The following PTPN11 variants were observed in gnomAD, a reference collection of about 807,000 sequenced individuals.
The protein encoded by PTPN11 is protein tyrosine phosphatase non-receptor type 11, also known as tyrosine-protein phosphatase non-receptor type 11.
PTPN11 carries 6 observed loss-of-function variants against 78.8 expected under a neutral mutation model. The ratio of observed to expected loss-of-function variants is 0.08; its 90% CI spans 0.04 to 0.15. The LOEUF is 0.15. PTPN11 is among the 10% of genes least tolerant of loss of function. PTPN11 has a pLI of 1.00. For synonymous variants in PTPN11, 221 were observed against 263.5 expected, an observed-to-expected ratio of 0.84 and a Z score of 1.56; for missense variants, 386 against 744.8, an observed-to-expected ratio of 0.52 and a Z score of 5.61.
At chr12:112,423,726 C>T (rs570777327) in intron 1 of PTPN11, among the ~76,000 whole-genome samples, 1 of 149,962 alleles carries the variant, frequency 6.7e-6, no homozygotes, top group South Asian at 2.1e-4. Flanking sequence ...CATGTATATA[C>T]ACACATACAA....
At chr12:112,443,088 A>G (rs2037934252) in intron 1 of PTPN11, among the ~76,000 whole-genome samples, 1 of 151,196 alleles carries the variant, frequency 6.6e-6, no homozygotes, top group African/African-American at 2.4e-5. Context: ...AAATACAAGG[A>G]CACTTGGTTA....
At chr12:112,429,813 A>C (rs2037683098) in intron 1 of PTPN11, among the ~76,000 whole-genome samples, 1 of 151,036 alleles carries the variant, frequency 6.6e-6, no homozygotes, top group African/African-American at 2.4e-5. Flanking sequence ...AAAAAAAAAA[A>C]CAACAACAAA....
intron 1 of PTPN11, among the ~76,000 whole-genome samples, chr12:112,424,154 GAT>G (rs1344065055): frequency 1.3e-5 from 2 of 152,170 alleles, no homozygotes; most frequent in Non-Finnish European, 2.9e-5. Flanking sequence ...TTTATGGTGG[GAT>G]AACTCTGTGC....
intron 7 of PTPN11, among the ~76,000 whole-genome samples, 174 bp from the exon 8 acceptor site, chr12:112,477,477 A>T (rs887677202): frequency 6.6e-6 from 1 of 152,176 alleles, no homozygotes; most frequent in Admixed American, 6.5e-5. Flanking sequence ...GCATTTTGAG[A>T]CATCAGGCAG....
intron 1 of PTPN11, among the ~76,000 whole-genome samples, chr12:112,423,540 C>G (rs1430043545): frequency 6.6e-6 from 1 of 152,048 alleles, no homozygotes; most frequent in Non-Finnish European, 1.5e-5. Context: ...CCCACCTTGG[C>G]CTTCCAAAGT....
At chr12:112,427,610 G>A (rs1172066639) in intron 1 of PTPN11, among the ~76,000 whole-genome samples, 5 of 151,898 alleles carry the variant, frequency 3.3e-5, no homozygotes, top group African/African-American at 9.7e-5. Context: ...GATAATGCCA[G>A]ATGATGGCTG....
intron 1 of PTPN11, among the ~76,000 whole-genome samples, chr12:112,430,340 A>C (rs1020657181): frequency 3.9e-5 from 6 of 152,286 alleles, no homozygotes; most frequent in East Asian, 1.9e-4. Flanking sequence ...CCAGTTCATA[A>C]TTGTGGAAAA....
At chr12:112,483,134 G>C (rs1025783648) in intron 10 of PTPN11, among the ~76,000 whole-genome samples, 1 of 151,640 alleles carries the variant, frequency 6.6e-6, no homozygotes, top group Non-Finnish European at 1.5e-5. Flanking sequence ...ACTGTAATCA[G>C]GGCTAGAAAG....
intron 1 of PTPN11, among the ~76,000 whole-genome samples, chr12:112,426,547 G>A (rs1389075705): frequency 5.9e-5 from 9 of 152,046 alleles, no homozygotes; most frequent in Admixed American, 3.3e-4. Flanking sequence ...GTGAGCCACC[G>A]CAGCCGGCCA....
chr12:112,483,909 T>C (rs1254116641), intron 10 of PTPN11, among the ~76,000 whole-genome samples: 1 of 152,098 alleles, frequency 6.6e-6, no homozygotes, highest in Non-Finnish European at 1.5e-5. Flanking sequence ...AGGACCTTTT[T>C]GTGAACACAC....
chr12:112,420,530 G>A (rs576806633), intron 1 of PTPN11, among the ~76,000 whole-genome samples: 1 of 152,154 alleles, frequency 6.6e-6, no homozygotes, highest in South Asian at 2.1e-4. Context: ...TTTTAGTAGA[G>A]ACAGGGTTTC....
At position 112,453,175 on chromosome 12, in the gene PTPN11, T is replaced by C; in HGVS notation, c.333-20T>C. ...ACCCATAGTAGAGCTAAATTCTTTT[T>C]TATTTTTTAAAAACTTTAGGTGGTT... On this transcript the variant is annotated intron_variant, in intron 3 of 15. Transcript: ENST00000351677. The C allele has an allele frequency of 6.2e-7, 1 of 1,604,336 alleles. No individual in the cohort carries two copies. The highest frequency in any genetic ancestry group is 1.1e-5 in the South Asian group (1 of 90,726).
intron 1 of PTPN11, among the ~76,000 whole-genome samples, chr12:112,425,008 G>GTGTGTA (rs1431618206): frequency 8.6e-6 from 1 of 116,748 alleles, no homozygotes; most frequent in African/African-American, 3.5e-5. Flanking sequence ...GTGTGTGTGT[G>GTGTGTA]TATGTAGAGA....
In PTPN11 at chr12:112,450,004, T is replaced by C. The variant is rs114299948; in HGVS notation, c.138-314T>C. ...CACTTGAACCTGGATTTATAATGTA[T>C]GTAAATCCACCGCGAAGGTTGCGGT... On this transcript the variant is annotated intron_variant, in intron 2 of 15. Coordinates refer to ENST00000351677, the MANE Select transcript of PTPN11 (RefSeq NM_002834.5). Among the ~76,000 whole-genome samples the C allele has an allele frequency of 6.1e-3, 917 of 151,330 alleles. 11 individuals are homozygous for C. Among genetic ancestry groups the C allele is most frequent in the African/African-American group, 0.021 (853 of 41,206 alleles).
chr12:112,473,058 G>A lies in PTPN11; in HGVS notation c.853+18G>A, dbSNP rs1007360259. 1.0e-5 allele frequency: 16 copies of A among 1,545,672 alleles called. No homozygotes were observed. Among genetic ancestry groups the A allele is most frequent in the South Asian group, 2.2e-5 (2 of 89,664 alleles). On this transcript the variant is annotated intron_variant, in intron 7 of 15. Transcript: ENST00000351677. ...CCTGCCCTGTAAGTATCAATATTCC[G>A]CTCAGTAATAGTCACTCTTGGAGAT...
chr12:112,482,127 C>G lies in PTPN11; in HGVS notation c.1146C>G (p.Val382=), dbSNP rs2038606185. ...AGTATGCTCTAAAAGAATATGGCGT[C>G]ATGCGTGTTAGGAACGTCAAAGAAA... is the stretch of plus-strand genomic sequence containing the variant. ...PDEYALKEYG[V]MRVRNVKESA... is the part of the protein sequence containing the mutation. The change falls in exon 10 of 16, where the codon GTC becomes GTG. Residue 382 remains valine (V), a synonymous_variant. Coordinates refer to ENST00000351677, the MANE Select transcript of PTPN11 (RefSeq NM_002834.5). This position sits in a 1 kb window ranked among gnomAD's most constrained non-coding sequence, Gnocchi z 4.4. 1 of 1,599,638 alleles carries G rather than the reference C, an allele frequency of 6.3e-7. No individual in the cohort carries two copies. Among genetic ancestry groups the G allele is most frequent in the Non-Finnish European group, 8.6e-7 (1 of 1,166,852 alleles).
intron 1 of PTPN11, among the ~76,000 whole-genome samples, chr12:112,422,880 A>G (rs2037546753): frequency 1.3e-5 from 2 of 152,216 alleles, no homozygotes; most frequent in Admixed American, 1.3e-4. Context: ...TAATTGTCCT[A>G]GCAGGCCGTG....
chr12:112,446,289 A>G lies in PTPN11; in HGVS notation c.28A>G (p.Asn10Asp), dbSNP rs368633510. 3.1e-6 allele frequency: 5 copies of G among 1,614,078 alleles called. No individual in the cohort carries two copies. Among genetic ancestry groups the G allele is most frequent in the Admixed American group, 1.7e-5 (1 of 60,006 alleles). The change falls in exon 2 of 16, where the codon AAT becomes GAT. Residue 10 changes from asparagine to aspartate, a missense_variant. Asn to Asp is a conservative substitution (Grantham distance 23). Around this residue, in one of 3 missense-constraint regions of PTPN11, gnomAD observed 279 missense variants for 503.3 expected, o/e 0.55. Coordinates refer to ENST00000351677, the MANE Select transcript of PTPN11 (RefSeq NM_002834.5). MTSRRWFHP[N>D]ITGVEAENLL... ...TTTCTTTTTAAGATGGTTTCACCCA[A>G]ATATCACTGGTGTGGAGGCAGAAAA...
intron 6 of PTPN11, among the ~76,000 whole-genome samples, chr12:112,468,843 G>A (rs76809170): frequency 0.017 from 2,589 of 152,238 alleles, 81 homozygotes; most frequent in African/African-American, 0.059. Flanking sequence ...GCCGGAGGAG[G>A]GCTGGAGTCC....
Sources: allele counts gnomAD v4.1 joint callset (sites outside exome capture counted in the v4.1 genomes callset), GRCh38; gene constraint gnomAD v4.1.1; regional missense constraint gnomAD v4.1.1; non-coding constraint Gnocchi (gnomAD v3.1); transcripts MANE v1.5; gene names NCBI Gene and HGNC (gene_info 2026-07-23, HGNC 2026-07-21).